Variants in SLC23A1 observed in about 807,000 individuals in gnomAD.
SLC23A1 encodes solute carrier family 23 member 1.
A neutral mutation model predicts 62.5 loss-of-function variants in SLC23A1; 31 were observed. That is an observed-to-expected ratio of 0.50 (90% confidence interval 0.37 to 0.67). The LOEUF (loss-of-function observed/expected upper bound fraction) is 0.67. Among genes scored for constraint, SLC23A1 ranks in the 30% least tolerant of loss-of-function variants. The pLI, the probability that SLC23A1 is intolerant of heterozygous loss-of-function variation, is 0.00. For synonymous variants in SLC23A1, 271 were observed against 313.2 expected (o/e 0.87, Z 1.42); for missense variants, 640 against 782.7 (o/e 0.82, Z 2.18).
chr5:139,383,345 T>C, upstream of SLC23A1: 2 of 1,555,982 alleles, frequency 1.3e-6, no homozygotes, highest in Non-Finnish European at 1.7e-6. Flanking sequence ...ATATCAGGCA[T>C]TGTTTGAAGT....
At chr5:139,382,287 A>C in intron 2 of SLC23A1, 4 of 599,544 alleles carry the variant, frequency 6.7e-6, no homozygotes, top group Non-Finnish European at 1.2e-5. Context: ...TGTCACCAAC[A>C]CCCCACCTGG....
chr5:139,380,742 C>A, intron 4 of SLC23A1, 56 bp downstream of exon 4: 1 of 1,463,166 alleles, frequency 6.8e-7, no homozygotes, highest in Non-Finnish European at 9.5e-7. Flanking sequence ...TTGCTCAGAC[C>A]TCCAGGTCTC....
At chr5:139,384,245 A>G, upstream of SLC23A1, 1 of 838,268 alleles carries the variant, frequency 1.2e-6, no homozygotes. Context: ...AGAGGGGGAC[A>G]TGGGGAGGGG....
upstream of SLC23A1, among the ~76,000 whole-genome samples, chr5:139,383,877 C>A (rs192154752): frequency 1.2e-3 from 179 of 152,322 alleles, no homozygotes; most frequent in Middle Eastern, 0.01. Flanking sequence ...TCTGAGCTGC[C>A]TTGCCCTCAC....
chr5:139,384,614 G>A, upstream of SLC23A1: 14 of 1,252,444 alleles, frequency 1.1e-5, no homozygotes, highest in Non-Finnish European at 1.4e-5. Context: ...ACTCCCCAGG[G>A]TGCTGTGGAG....
intron 14 of SLC23A1, among the ~76,000 whole-genome samples, chr5:139,368,158 A>T (rs1471440555): frequency 6.6e-6 from 1 of 152,042 alleles, no homozygotes; most frequent in East Asian, 1.9e-4. Context: ...ACATGGTGAA[A>T]CCCCGTCTTT....
Position 139,380,506 on chromosome 5 carries a change from C to T in SLC23A1, c.465+59G>A, listed in dbSNP as rs747385175. On this transcript the variant is annotated intron_variant, in intron 5 of 14. Coordinates refer to ENST00000348729, the MANE Select transcript of SLC23A1 (RefSeq NM_005847.5). ...AATCCCCAAACTCAGCGGCCACCCT[C>T]ACTCCCATATAGCCCCTCCTCAGGA... is the stretch of plus-strand genomic sequence containing the variant. The T allele has an allele frequency of 1.6e-5, 26 of 1,594,212 alleles. No homozygotes were observed. In the African/African-American group the frequency reaches 2.5e-4, roughly 16 times the overall value.
upstream of SLC23A1, among the ~76,000 whole-genome samples, chr5:139,385,495 C>T (rs1758479240): frequency 1.4e-5 from 2 of 141,904 alleles, no homozygotes; most frequent in Admixed American, 7.1e-5. Flanking sequence ...CGTGTGTTCT[C>T]GGAGGGGTGC....
chr5:139,382,165 G>A, intron 2 of SLC23A1, 116 bp from the exon 3 acceptor site: 1 of 1,022,326 alleles, frequency 9.8e-7, no homozygotes, highest in Non-Finnish European at 1.4e-6. Flanking sequence ...TGCCTGCCCA[G>A]GACTGGCAGT....
At position 139,372,173 on chromosome 5, in the gene SLC23A1, A is replaced by C; in HGVS notation, c.1630T>G (p.Tyr544Asp). The part of the protein sequence containing the change: ...NSDMSSSLKS[Y>D]DFPIGMGIVK... ...ATGCCCATCCCAATGGGGAAATCGT[A>C]GCTCTTGAGGCTGGAAGACATGTCA... Residue 544 changes from tyrosine (Y) to aspartate (D), a missense_variant, in exon 14 of 15, where the codon TAC becomes GAC. Coordinates refer to ENST00000348729, the MANE Select transcript of SLC23A1 (RefSeq NM_005847.5). 6.2e-7 allele frequency: 1 copy of C among 1,613,508 alleles called. No homozygotes were observed.
At chr5:139,368,960 C>T (rs1757478205) in intron 14 of SLC23A1, 1 of 533,472 alleles carries the variant, frequency 1.9e-6, no homozygotes, top group Non-Finnish European at 3.4e-6. Flanking sequence ...GAGACTGTTA[C>T]TAAGTAAAAA....
upstream of SLC23A1, among the ~76,000 whole-genome samples, chr5:139,385,365 C>A (rs975323635): frequency 9.9e-5 from 15 of 152,166 alleles, no homozygotes; most frequent in Non-Finnish European, 1.6e-4. Context: ...CCAGAGAAAG[C>A]AGGACTGAGA....
At chr5:139,381,614 CAAAAAAAAAAA>C (rs904456829) in intron 3 of SLC23A1, among the ~76,000 whole-genome samples, 2 of 55,714 alleles carry the variant, frequency 3.6e-5, no homozygotes, top group African/African-American at 7.6e-5. Context: ...ACTCCGTCTC[CAAAAAAAAAAA>C]AAAAAAAAAA....
intron 1 of SLC23A1, 32 bp from the exon 2 acceptor site, chr5:139,382,637 G>T: frequency 7.3e-7 from 1 of 1,365,426 alleles, no homozygotes; most frequent in Non-Finnish European, 1.0e-6. Context: ...AGCTTAGGGT[G>T]AAGTGATGGG....
At position 139,380,643 on chromosome 5, in the gene SLC23A1, A is replaced by G. The variant is rs1203060346; in HGVS notation, c.398-11T>C. On this transcript the variant is annotated splice_polypyrimidine_tract_variant and intron_variant, in intron 4 of 14. Transcript: ENST00000348729. ...TACCGTAGATCTCCTCTGGGGGTAG[A>G]GTCAGGGATACACACACGGACCAGG... is the stretch of plus-strand genomic sequence containing the variant. The G allele has an allele frequency of 6.2e-7, 1 of 1,604,138 alleles. No individual in the cohort carries two copies. The highest frequency in any genetic ancestry group is 1.1e-5 in the South Asian group (1 of 90,894).
intron 12 of SLC23A1, 128 bp downstream of exon 12, chr5:139,377,847 G>A (rs1309232376): frequency 1.1e-6 from 1 of 872,332 alleles, no homozygotes; most frequent in African/African-American, 1.7e-5. Context: ...CAAGCTCTCA[G>A]CTGCTGGTTG....
At chr5:139,367,941 C>T (rs1489669466) in intron 14 of SLC23A1, among the ~76,000 whole-genome samples, 1 of 152,218 alleles carries the variant, frequency 6.6e-6, no homozygotes, top group Non-Finnish European at 1.5e-5. Context: ...CAGTGGCTCA[C>T]GCCTGTAGTC....
intron 5 of SLC23A1, 40 bp from the exon 6 acceptor site, chr5:139,380,429 G>T (rs754549721): frequency 1.9e-6 from 3 of 1,610,982 alleles, no homozygotes; most frequent in Non-Finnish European, 2.5e-6. Flanking sequence ...CCATGTAAAG[G>T]TCATGACCTG....
In SLC23A1 at chr5:139,379,198, GTAGGC is replaced by G. The variant is rs1758105640; in HGVS notation, c.1073+4_1073+8del. On this transcript the variant is annotated splice_donor_5th_base_variant and intron_variant, in intron 9 of 14. Transcript: ENST00000348729. The surrounding 1 kb of genome is among the most constrained non-coding windows in gnomAD (Gnocchi z 4.7). ...GGAGATCAGATACTGAGGAGGGCAG[GTAGGC>G]TACCTGTTGATAGCATGTACTGGAG... is the stretch of plus-strand genomic sequence containing the variant. 6.2e-7 allele frequency: 1 copy of G among 1,613,868 alleles called. No individual in the cohort carries two copies. Among genetic ancestry groups the G allele is most frequent in the Non-Finnish European group, 8.5e-7 (1 of 1,179,884 alleles).
Sources: allele counts gnomAD v4.1 joint callset (sites outside exome capture counted in the v4.1 genomes callset), GRCh38; gene constraint gnomAD v4.1.1; non-coding constraint Gnocchi (gnomAD v3.1); transcripts MANE v1.5; gene names NCBI Gene and HGNC (gene_info 2026-07-23, HGNC 2026-07-21).